The following GNG12 variants were observed in gnomAD, a reference collection of about 807,000 sequenced individuals.
The protein encoded by GNG12 is G protein subunit gamma 12, also known as guanine nucleotide-binding protein G(I)/G(S)/G(O) subunit gamma-12.
For missense variants in GNG12, 69 were observed against 83.8 expected, an observed-to-expected ratio of 0.82 and a Z score of 0.69; for synonymous variants, 28 against 29.7, an observed-to-expected ratio of 0.94 and a Z score of 0.19.
rs3766251 is a variant in GNG12, at chr1:67,710,443, C to A, written c.-26-2731G>T. Among the ~76,000 whole-genome samples, 54 of 151,554 alleles carry A rather than the reference C, an allele frequency of 3.6e-4. No individual in the cohort carries two copies. The East Asian group carries it at 9.5e-3, about 27-fold the overall frequency. On this transcript the variant is annotated intron_variant, in intron 2 of 3. Transcript: ENST00000370982. ...ATTCTCTTCTTCCCAATCTCCAGGG[C>A]ATAAAGTTTCCAAGGCCTGAGCAAG...
chr1:67,732,306 T>C (rs950664934), intron 2 of GNG12, among the ~76,000 whole-genome samples: 1 of 152,240 alleles, frequency 6.6e-6, no homozygotes, highest in African/African-American at 2.4e-5. Context: ...CGACTATTAT[T>C]ATCAAGAGAG....
chr1:67,767,344 A>G (rs1012704833), intron 2 of GNG12, among the ~76,000 whole-genome samples: 2 of 152,112 alleles, frequency 1.3e-5, no homozygotes, highest in African/African-American at 4.8e-5. Context: ...CCCGCTTAGG[A>G]CTGTCCATTG....
chr1:67,782,931 A>T (rs1289423827), intron 1 of GNG12, among the ~76,000 whole-genome samples: 3 of 152,168 alleles, frequency 2.0e-5, no homozygotes, highest in Non-Finnish European at 4.4e-5. Flanking sequence ...ATATGCTATT[A>T]GTAGTAAAGG....
At chr1:67,768,578 T>C (rs1646654761) in intron 2 of GNG12, among the ~76,000 whole-genome samples, 1 of 152,224 alleles carries the variant, frequency 6.6e-6, no homozygotes, top group Non-Finnish European at 1.5e-5. Flanking sequence ...TTATTGAACA[T>C]GTATTATGTG....
chr1:67,763,506 G>A (rs1646618339), intron 2 of GNG12, among the ~76,000 whole-genome samples: 1 of 151,684 alleles, frequency 6.6e-6, no homozygotes, highest in Admixed American at 6.6e-5. Flanking sequence ...GTTTGGTAGG[G>A]ATACCACAGA....
intron 2 of GNG12, among the ~76,000 whole-genome samples, chr1:67,725,301 A>T (rs1327696930): frequency 6.6e-6 from 1 of 152,192 alleles, no homozygotes; most frequent in Admixed American, 6.5e-5. Flanking sequence ...TTCTTCCCTC[A>T]TCTCACCTTC....
At chr1:67,831,554 G>A (rs1248957023) in intron 1 of GNG12, among the ~76,000 whole-genome samples, 1 of 152,104 alleles carries the variant, frequency 6.6e-6, no homozygotes, top group Non-Finnish European at 1.5e-5. Flanking sequence ...AAATAGGACT[G>A]CATTATTTAT....
intron 2 of GNG12, among the ~76,000 whole-genome samples, chr1:67,719,936 C>T (rs1294136986): frequency 1.3e-5 from 2 of 152,216 alleles, no homozygotes; most frequent in African/African-American, 4.8e-5. Flanking sequence ...TTAAGACATG[C>T]GATGTAGCAA....
At chr1:67,737,056 A>G (rs1646456652) in intron 2 of GNG12, among the ~76,000 whole-genome samples, 1 of 152,192 alleles carries the variant, frequency 6.6e-6, no homozygotes, top group Non-Finnish European at 1.5e-5. Context: ...AGATGTGTCC[A>G]CTCCTGAAAT....
At chr1:67,759,497 T>C (rs1312248008) in intron 2 of GNG12, among the ~76,000 whole-genome samples, 2 of 152,254 alleles carry the variant, frequency 1.3e-5, no homozygotes, top group African/African-American at 4.8e-5. Context: ...GACCTGCGAA[T>C]ATCTGTTGGC....
intron 1 of GNG12, among the ~76,000 whole-genome samples, chr1:67,791,878 GC>G (rs1236120580): frequency 6.6e-6 from 1 of 152,006 alleles, no homozygotes; most frequent in Non-Finnish European, 1.5e-5. Context: ...CCACTCCTTG[GC>G]CCATCAGCAG....
intron 2 of GNG12, among the ~76,000 whole-genome samples, chr1:67,709,887 T>C (rs1273764376): frequency 3.4e-5 from 4 of 117,088 alleles, no homozygotes; most frequent in Admixed American, 3.2e-4. Flanking sequence ...TTTATATATA[T>C]AGTTATATAT....
intron 2 of GNG12, among the ~76,000 whole-genome samples, chr1:67,761,818 G>A (rs756354328): frequency 6.6e-6 from 1 of 152,116 alleles, no homozygotes; most frequent in Non-Finnish European, 1.5e-5. Flanking sequence ...GAGAGAGGCA[G>A]GGGCAATCAG....
At chr1:67,733,148 T>C (rs1646430576) in intron 2 of GNG12, among the ~76,000 whole-genome samples, 1 of 152,210 alleles carries the variant, frequency 6.6e-6, no homozygotes, top group Non-Finnish European at 1.5e-5. Flanking sequence ...TTTCCTTCCC[T>C]CTTACTGCAA....
rs184613220 is a variant in GNG12, at chr1:67,745,611, T to A, written c.-27+31847A>T. On this transcript the variant is annotated intron_variant, in intron 2 of 3. Coordinates refer to ENST00000370982, the MANE Select transcript of GNG12 (RefSeq NM_018841.6). The stretch of plus-strand genomic sequence containing the variant: ...AGAAAATGGTGTCCGTCCCCTTATT[T>A]CACAGGGTTGGGGGCAAGTAAGAAA... Among the ~76,000 whole-genome samples, 114 of 152,310 alleles carry A rather than the reference T, an allele frequency of 7.5e-4. 1 individual carries two copies. In the East Asian group the frequency reaches 0.015, roughly 20 times the overall value.
intron 2 of GNG12, among the ~76,000 whole-genome samples, chr1:67,748,325 C>T (rs1646518686): frequency 6.6e-6 from 1 of 152,060 alleles, no homozygotes; most frequent in Non-Finnish European, 1.5e-5. Flanking sequence ...TGGTGGCTAC[C>T]AATCAAAGGT....
intron 1 of GNG12, among the ~76,000 whole-genome samples, chr1:67,795,693 C>T (rs1025173320): frequency 2.0e-5 from 3 of 152,158 alleles, no homozygotes; most frequent in Admixed American, 6.5e-5. Flanking sequence ...ATCTGTGAAA[C>T]GCTGGAAACA....
intron 2 of GNG12, among the ~76,000 whole-genome samples, chr1:67,763,120 A>AGAGAGAGAGAGAGAGAGAG (rs1553157312): frequency 8.9e-4 from 134 of 151,174 alleles, no homozygotes; most frequent in South Asian, 1.3e-3. Context: ...AGAGAGAGAG[A>AGAGAGAGAGAGAGAGAGAG]ATCAATATGA....
chr1:67,741,784 C>T (rs1570504494), intron 2 of GNG12, among the ~76,000 whole-genome samples: 6 of 152,286 alleles, frequency 3.9e-5, no homozygotes, highest in Admixed American at 3.3e-4. Flanking sequence ...TTTATTTGGC[C>T]TACAGAGAAT....
Sources: gnomAD v4.1 joint callset for allele counts (sites outside exome capture counted in the v4.1 genomes callset) on GRCh38, gnomAD v4.1.1 for gene constraint, MANE v1.5 for transcripts, NCBI Gene and HGNC (gene_info 2026-07-23, HGNC 2026-07-21) for gene names.